Variants in OR4K1 observed in about 807,000 individuals in gnomAD.
OR4K1 encodes the protein olfactory receptor family 4 subfamily K member 1, also known as olfactory receptor 4K1.
In OR4K1, 16 loss-of-function variants were observed where a neutral mutation model predicts 14.4. The observed-to-expected ratio is 1.11, with a 90% confidence interval of 0.75 to 1.68. The LOEUF (loss-of-function observed/expected upper bound fraction) is 1.68, where lower values mean the gene tolerates loss of function less well. Ranked by LOEUF, OR4K1 falls within the 40% of genes most tolerant of loss-of-function variation. The pLI is 0.00. For missense variants in OR4K1, 548 were observed against 376.9 expected, an observed-to-expected ratio of 1.45 and a Z score of -3.76; for synonymous variants, 181 against 133.1, an observed-to-expected ratio of 1.36 and a Z score of -2.48.
At chr14:19,934,850 T>G (rs1882268692) in intron 1 of OR4K1, among the ~76,000 whole-genome samples, 1 of 152,218 alleles carries the variant, frequency 6.6e-6, no homozygotes, top group Non-Finnish European at 1.5e-5. Flanking sequence ...TTTTTGTATT[T>G]TTAGTAGAGA....
chr14:19,929,335 T>A (rs2138587766), upstream of OR4K1, among the ~76,000 whole-genome samples: 1 of 149,836 alleles, frequency 6.7e-6, no homozygotes, highest in Admixed American at 6.7e-5. Flanking sequence ...TAATATAATA[T>A]GTGCATTTTA....
chr14:19,936,155 A>T lies in OR4K1; in HGVS notation c.489A>T (p.Thr163=). Residue 163 remains threonine (T), a synonymous_variant, in exon 2 of 2, where the codon ACA becomes ACT. Coordinates refer to ENST00000641172, the MANE Select transcript of OR4K1 (RefSeq NM_001004063.3). Reference sequence around the variant, plus strand: ...ATTCTGTGAGCCACTTGGCTTTTACAGTGGACCTGCCATTCTGTGGTCCCA... The same window carrying T: ...ATTCTGTGAGCCACTTGGCTTTTACTGTGGACCTGCCATTCTGTGGTCCCA... The part of the protein sequence containing the change: ...VLHSVSHLAF[T]VDLPFCGPNE... 1 of 1,614,252 alleles carries T rather than the reference A, an allele frequency of 6.2e-7. No homozygotes were observed. The highest frequency in any genetic ancestry group is 8.5e-7 in the Non-Finnish European group (1 of 1,180,046).
upstream of OR4K1, among the ~76,000 whole-genome samples, chr14:19,927,872 A>C (rs529688991): frequency 1.3e-5 from 2 of 152,360 alleles, no homozygotes; most frequent in East Asian, 3.9e-4. Flanking sequence ...ATAGGATTCC[A>C]CAGAGATTGT....
At chr14:19,935,081 G>A (rs1045158283) in intron 1 of OR4K1, among the ~76,000 whole-genome samples, 5 of 152,178 alleles carry the variant, frequency 3.3e-5, no homozygotes, top group Admixed American at 1.3e-4. Context: ...TCTACCATTC[G>A]TTAATTTAAT....
intron 1 of OR4K1, among the ~76,000 whole-genome samples, chr14:19,932,049 C>A (rs555319014): frequency 1.3e-5 from 2 of 152,152 alleles, no homozygotes; most frequent in East Asian, 1.9e-4. Flanking sequence ...TAATGTTGAA[C>A]CTGATCTGTT....
the OR4K1 span, chr14:19,921,061 G>A: frequency 6.2e-7 from 1 of 1,614,204 alleles, no homozygotes; most frequent in Admixed American, 1.7e-5. Flanking sequence ...TGGGCTGTGA[G>A]CTTGGTGCAC....
chr14:19,935,526 A>G (rs1214541871), intron 1 of OR4K1, 122 bp from the exon 2 acceptor site: 5 of 780,810 alleles, frequency 6.4e-6, no homozygotes, highest in Admixed American at 2.8e-5. Flanking sequence ...ATACGTAAAT[A>G]TATGTAACCT....
the OR4K1 span, among the ~76,000 whole-genome samples, chr14:19,924,956 T>TA: frequency 2.0e-5 from 3 of 152,148 alleles, no homozygotes; most frequent in African/African-American, 7.2e-5. Flanking sequence ...GTTTAAAATA[T>TA]AAAAAATAGA....
At chr14:19,930,230 A>G (rs1340097999), upstream of OR4K1, among the ~76,000 whole-genome samples, 11 of 152,316 alleles carry the variant, frequency 7.2e-5, no homozygotes, top group East Asian at 1.9e-3. Context: ...TGAATGTTTT[A>G]CTAAGGTGTA....
chr14:19,924,042 A>T, the OR4K1 span, among the ~76,000 whole-genome samples: 1 of 152,264 alleles, frequency 6.6e-6, no homozygotes, highest in African/African-American at 2.4e-5. Flanking sequence ...TGAATAAAAA[A>T]AAGTCAGTAG....
At chr14:19,928,496 A>C (rs1882109063), upstream of OR4K1, among the ~76,000 whole-genome samples, 1 of 152,134 alleles carries the variant, frequency 6.6e-6, no homozygotes, top group East Asian at 1.9e-4. Context: ...ACCTTTGCCA[A>C]TTTAACTGAC....
chr14:19,921,396 A>G, the OR4K1 span: 2 of 1,613,988 alleles, frequency 1.2e-6, no homozygotes, highest in East Asian at 2.2e-5. Context: ...GCCCTTTACC[A>G]TCTCTCCTTT....
the OR4K1 span, chr14:19,920,997 T>G: frequency 6.2e-7 from 1 of 1,614,218 alleles, no homozygotes; most frequent in Admixed American, 1.7e-5. Context: ...CAAACCCTTA[T>G]ACTATGTGGT....
At chr14:19,925,571 A>G in the OR4K1 span, among the ~76,000 whole-genome samples, 1 of 152,282 alleles carries the variant, frequency 6.6e-6, no homozygotes, top group Non-Finnish European at 1.5e-5. Flanking sequence ...GGATGCTACC[A>G]AACCCAGGGC....
chr14:19,922,951 T>A, the OR4K1 span, among the ~76,000 whole-genome samples: 4 of 152,270 alleles, frequency 2.6e-5, no homozygotes, highest in Non-Finnish European at 4.4e-5. Flanking sequence ...GGTATCTTTT[T>A]TTGTGTGTAT....
chr14:19,926,396 A>G, upstream of OR4K1, among the ~76,000 whole-genome samples: 1 of 152,370 alleles, frequency 6.6e-6, no homozygotes. Flanking sequence ...ACATCATTTT[A>G]GTCACACATT....
intron 1 of OR4K1, among the ~76,000 whole-genome samples, chr14:19,932,508 T>C (rs957099056): frequency 1.3e-5 from 2 of 152,220 alleles, no homozygotes; most frequent in African/African-American, 4.8e-5. Flanking sequence ...GAAAAGGAGT[T>C]GAGAAAAGTC....
At chr14:19,931,925 T>A (rs1410471219) in intron 1 of OR4K1, among the ~76,000 whole-genome samples, 2 of 152,214 alleles carry the variant, frequency 1.3e-5, no homozygotes, top group African/African-American at 4.8e-5. Flanking sequence ...GAAACTAGCT[T>A]TAGAGATAAT....
rs773998086 is a variant in OR4K1 at position 19,936,628 on chromosome 14, T to C, written c.*26T>C. 5.8e-6 allele frequency: 9 copies of C among 1,548,704 alleles called. No individual in the cohort carries two copies. In the Admixed American group the frequency reaches 1.7e-4, roughly 30 times the overall value. ...GGATCATTACGAAGGAGCATAATCCTGAATTAGAATGAAGACCCTCCAGTG... is the reference window on the plus strand; with the variant it reads ...GGATCATTACGAAGGAGCATAATCCCGAATTAGAATGAAGACCCTCCAGTG... On this transcript the variant is annotated 3_prime_UTR_variant, in exon 2 of 2. Coordinates refer to ENST00000641172, the MANE Select transcript of OR4K1 (RefSeq NM_001004063.3).
Sources: allele counts gnomAD v4.1 joint callset (sites outside exome capture counted in the v4.1 genomes callset), GRCh38; gene constraint gnomAD v4.1.1; transcripts MANE v1.5; gene names NCBI Gene and HGNC (gene_info 2026-07-23, HGNC 2026-07-21).